GLRA3: variants seen among roughly 807,000 people sequenced by gnomAD.
The protein encoded by GLRA3 is glycine receptor subunit alpha-3.
Under a neutral mutation model 60.4 loss-of-function variants are expected in GLRA3, and 44 were observed. The observed-to-expected ratio is 0.73, with a 90% CI of 0.57 to 0.94. GLRA3 has a LOEUF of 0.94. Among genes scored for constraint, GLRA3 ranks in the 40% least tolerant of loss-of-function variants. GLRA3 has a pLI of 0.00. For missense variants in GLRA3, 508 were observed against 564.6 expected (o/e 0.90, Z 1.02); for synonymous variants, 223 against 192.9 (o/e 1.16, Z -1.29).
At chr4:174,646,105 T>A (rs1355170052) in intron 9 of GLRA3, among the ~76,000 whole-genome samples, 24 of 152,206 alleles carry the variant, frequency 1.6e-4, no homozygotes, top group Admixed American at 1.6e-3. Flanking sequence ...CAGTGAGCAT[T>A]TCCAATGAGG....
intron 1 of GLRA3, among the ~76,000 whole-genome samples, chr4:174,796,990 C>T (rs1739598203): frequency 6.6e-6 from 1 of 152,120 alleles, no homozygotes; most frequent in South Asian, 2.1e-4. Context: ...CCTTAGAAAA[C>T]TAGTCATTTA....
chr4:174,767,154 AC>A (rs35512555), intron 2 of GLRA3, 124 bp from the exon 3 acceptor site: 1 of 559,896 alleles, frequency 1.8e-6, no homozygotes, highest in Non-Finnish European at 3.2e-6. Context: ...ACACACACAC[AC>A]AGATGCTTAA....
In GLRA3 at chr4:174,682,878, T is replaced by C; in HGVS notation, c.636A>G (p.Ala212=). The change falls in exon 6 of 10, where the codon GCA becomes GCG. Residue 212 remains alanine, a synonymous_variant. Transcript: ENST00000274093. ...GAAACTGGGGCAAAGTGAGTCCTTC[T>C]GCCACTTGTACGGGTGCCTCATCTT... ...EWQDEAPVQV[A]EGLTLPQFLL... is the part of the protein sequence containing the mutation. 7 of 1,612,590 alleles carry C rather than the reference T, an allele frequency of 4.3e-6. 1 individual carries two copies. In the Middle Eastern group the frequency reaches 6.6e-4, roughly 152 times the overall value.
chr4:174,644,218 C>T (rs532523180), intron 9 of GLRA3, among the ~76,000 whole-genome samples, 154 bp from the exon 10 acceptor site: 2 of 151,632 alleles, frequency 1.3e-5, no homozygotes, highest in Non-Finnish European at 2.9e-5. Context: ...GGTTTTTATT[C>T]CCTATTGAAG....
chr4:174,752,108 T>G (rs1737510931), intron 3 of GLRA3, among the ~76,000 whole-genome samples: 1 of 152,144 alleles, frequency 6.6e-6, no homozygotes, highest in East Asian at 1.9e-4. Flanking sequence ...TTATAGCTAG[T>G]TATAATATGA....
rs1346970176 is a variant in GLRA3, at chr4:174,656,741, A to G, written c.1116+2T>C. ...TATTTAGAGTTAAGAAAGTCAATTT[A>G]CCATATCTGAGAAACGGTAAAACTT... On this transcript the variant is annotated splice_donor_variant, in intron 9 of 9. Transcript: ENST00000274093. LOFTEE classifies it high-confidence loss of function. The G allele has an allele frequency of 2.0e-6, 3 of 1,536,216 alleles. No homozygotes were observed. Among genetic ancestry groups the G allele is most frequent in the Non-Finnish European group, 2.7e-6 (3 of 1,109,484 alleles).
At chr4:174,821,028 G>T (rs13120814) in intron 1 of GLRA3, among the ~76,000 whole-genome samples, 112,825 of 151,992 alleles carry the variant, frequency 0.74, 42,353 homozygotes, top group Non-Finnish European at 0.8. Flanking sequence ...ATAACTAAAA[G>T]TTAACTTTAA....
chr4:174,685,348 C>A (rs1734516325), intron 5 of GLRA3, among the ~76,000 whole-genome samples: 1 of 152,176 alleles, frequency 6.6e-6, no homozygotes, highest in South Asian at 2.1e-4. Context: ...ACTCTACAGG[C>A]AGTGGAGATG....
intron 3 of GLRA3, among the ~76,000 whole-genome samples, chr4:174,739,162 A>G (rs1262878602): frequency 6.6e-6 from 1 of 152,216 alleles, no homozygotes; most frequent in Non-Finnish European, 1.5e-5. Context: ...CTGCTCTAAG[A>G]AGAAAACTTA....
At chr4:174,689,756 TAAAAAAAAAAAAAAAAAAA>T (rs553306775) in intron 5 of GLRA3, among the ~76,000 whole-genome samples, 2 of 39,514 alleles carry the variant, frequency 5.1e-5, no homozygotes, top group Non-Finnish European at 8.9e-5. Flanking sequence ...TAAGTCGCAT[TAAAAAAAAAAAAAAAAAAA>T]AAAAAAAAAA....
chr4:174,639,081 G>GT lies in GLRA3; in HGVS notation c.*4704dup, dbSNP rs1399001026. 2 of 152,074 alleles carry GT rather than the reference G, an allele frequency of 1.3e-5. No homozygotes were observed. The highest frequency in any genetic ancestry group is 1.3e-4 in the Admixed American group (2 of 15,260). The allele number at this position is 152,074 out of a possible 1,614,324, so 9.4% of individuals were successfully genotyped here. ...TATTACTAGCTGTCTTTTGAAAAAGGTTTTTGACAGTTATTTAGCTGTTCT... is the reference window on the plus strand; with the variant it reads ...TATTACTAGCTGTCTTTTGAAAAAGGTTTTTTGACAGTTATTTAGCTGTTCT... On this transcript the variant is annotated 3_prime_UTR_variant, in exon 10 of 10. Coordinates refer to ENST00000274093, the MANE Select transcript of GLRA3 (RefSeq NM_006529.4).
intron 5 of GLRA3, among the ~76,000 whole-genome samples, chr4:174,687,629 A>G (rs985043994): frequency 2.0e-5 from 3 of 152,172 alleles, no homozygotes; most frequent in African/African-American, 2.4e-5. Context: ...GTCAATGATA[A>G]ATTTTGAACT....
chr4:174,751,086 T>A (rs994439947), intron 3 of GLRA3, among the ~76,000 whole-genome samples: 2 of 150,676 alleles, frequency 1.3e-5, no homozygotes, highest in African/African-American at 4.9e-5. Context: ...TATCTATCTA[T>A]CTATCTATCT....
intron 3 of GLRA3, among the ~76,000 whole-genome samples, chr4:174,755,639 A>G (rs932520980): frequency 1.3e-5 from 2 of 152,100 alleles, no homozygotes; most frequent in Non-Finnish European, 2.9e-5. Flanking sequence ...TAAGTTATTT[A>G]CCAGAGGCAA....
chr4:174,810,845 TG>T (rs1740239428), intron 1 of GLRA3, among the ~76,000 whole-genome samples: 1 of 152,188 alleles, frequency 6.6e-6, no homozygotes, highest in Admixed American at 6.6e-5. Context: ...GGAAATAGTT[TG>T]TCAATATTAC....
intron 1 of GLRA3, among the ~76,000 whole-genome samples, chr4:174,821,815 T>G (rs7681776): frequency 0.74 from 112,757 of 151,976 alleles, 42,331 homozygotes; most frequent in Non-Finnish European, 0.8. Flanking sequence ...CTTGAAGTAG[T>G]TAATATCTTC....
At chr4:174,660,862 T>C (rs981911575) in intron 7 of GLRA3, among the ~76,000 whole-genome samples, 3 of 152,222 alleles carry the variant, frequency 2.0e-5, no homozygotes, top group Admixed American at 6.5e-5. Context: ...TACATTAACA[T>C]CATTATTTAT....
chr4:174,742,547 G>A (rs1231702449), intron 3 of GLRA3, among the ~76,000 whole-genome samples: 1 of 152,092 alleles, frequency 6.6e-6, no homozygotes, highest in Non-Finnish European at 1.5e-5. Flanking sequence ...CTAAACTCAT[G>A]GGGAAATTTA....
At chr4:174,659,269 T>G (rs1401433306) in intron 7 of GLRA3, 72 bp from the exon 8 acceptor site, 1 of 1,137,020 alleles carries the variant, frequency 8.8e-7, no homozygotes. Flanking sequence ...AAAACTGAGT[T>G]TTTCTGATTC....
Sources: gnomAD v4.1 joint callset for allele counts (sites outside exome capture counted in the v4.1 genomes callset) on GRCh38, gnomAD v4.1.1 for gene constraint, MANE v1.5 for transcripts, NCBI Gene and HGNC (gene_info 2026-07-23, HGNC 2026-07-21) for gene names.